The following PCDHGA3 variants were observed in gnomAD, a reference collection of about 807,000 sequenced individuals.
PCDHGA3 encodes the protein protocadherin gamma subfamily A, 3.
Under a neutral mutation model 58.5 loss-of-function variants are expected in PCDHGA3, and 40 were observed. The observed-to-expected ratio is 0.68, with a 90% CI of 0.53 to 0.89. PCDHGA3 has a LOEUF of 0.89. Ranked by LOEUF, PCDHGA3 falls within the 40% of genes least tolerant of loss-of-function variation. PCDHGA3 has a pLI of 0.00. For synonymous variants in PCDHGA3, 530 were observed against 525.7 expected, an observed-to-expected ratio of 1.01 and a Z score of -0.11; for missense variants, 1,223 against 1,195.9, an observed-to-expected ratio of 1.02 and a Z score of -0.33.
chr5:141,489,359 AG>A lies in PCDHGA3; in HGVS notation c.2425-5447del. On this transcript the variant is annotated intron_variant, in intron 1 of 3. Coordinates refer to ENST00000253812, the MANE Select transcript of PCDHGA3 (RefSeq NM_018916.4). The surrounding 1 kb of genome is among the most constrained non-coding windows in gnomAD (Gnocchi z 4.5). ...CGTTACTCAGTGGTGGAGGAGTCTG[AG>A]CCGGGGACGCTGGTGGGGAATGTTG... 1 of 1,613,110 alleles carries A rather than the reference AG, an allele frequency of 6.2e-7. No homozygotes were observed. The highest frequency in any genetic ancestry group is 1.1e-5 in the South Asian group (1 of 90,984).
rs549801775 is a variant in PCDHGA3 at position 141,419,346 on chromosome 5, T to C, written c.2424+72889T>C. The C allele has an allele frequency of 6.2e-7, 1 of 1,613,828 alleles. No individual in the cohort carries two copies. The highest frequency in any genetic ancestry group is 2.2e-5 in the East Asian group (1 of 44,886). ...TCCTACTCTCTCATTGCCAGCGACCTGGAGTCACGAACGCTGTCGTCCTAC... is the reference window on the plus strand; with the variant it reads ...TCCTACTCTCTCATTGCCAGCGACCCGGAGTCACGAACGCTGTCGTCCTAC... On this transcript the variant is annotated intron_variant, in intron 1 of 3. Coordinates refer to ENST00000253812, the MANE Select transcript of PCDHGA3 (RefSeq NM_018916.4).
chr5:141,432,919 C>T lies in PCDHGA3; in HGVS notation c.2425-61888C>T. ...TGGCGCTCAGGCTGCGGCGCTGGCACAAGTCACGCCTGCTGCAGGCTTCAG... is the reference window on the plus strand; with the variant it reads ...TGGCGCTCAGGCTGCGGCGCTGGCATAAGTCACGCCTGCTGCAGGCTTCAG... On this transcript the variant is annotated intron_variant, in intron 1 of 3. Coordinates refer to ENST00000253812, the MANE Select transcript of PCDHGA3 (RefSeq NM_018916.4). The surrounding 1 kb of genome is among the most constrained non-coding windows in gnomAD (Gnocchi z 6.0). The T allele has an allele frequency of 2.5e-6, 4 of 1,614,210 alleles. No individual in the cohort carries two copies. Among genetic ancestry groups the T allele is most frequent in the Non-Finnish European group, 3.4e-6 (4 of 1,180,040 alleles).
At chr5:141,368,172 A>G (rs1160663847) in intron 1 of PCDHGA3, among the ~76,000 whole-genome samples, 2 of 152,230 alleles carry the variant, frequency 1.3e-5, no homozygotes, top group African/African-American at 4.8e-5. Context: ...TCAGCTTCAA[A>G]TAATGACTAA....
intron 1 of PCDHGA3, chr5:141,398,674 A>T: frequency 6.2e-7 from 1 of 1,614,010 alleles, no homozygotes; most frequent in Non-Finnish European, 8.5e-7. Context: ...ATTAATAATT[A>T]AGGAGAAACA....
chr5:141,427,766 G>A lies in PCDHGA3; in HGVS notation c.2425-67041G>A, dbSNP rs549550151. The A allele has an allele frequency of 1.1e-4, 152 of 1,386,456 alleles. No homozygotes were observed. In the African/African-American group the frequency reaches 1.8e-3, roughly 17 times the overall value. The allele number at this position is 1,386,456 out of a possible 1,614,324, so 85.9% of individuals were successfully genotyped here. ...CCTACTCCATCGTTACCACTGACTT[G>A]GAGCTGCGGGCACTGTCGTCCTACG... On this transcript the variant is annotated intron_variant, in intron 1 of 3. Transcript: ENST00000253812.
chr5:141,447,709 T>C (rs896203283), intron 1 of PCDHGA3, among the ~76,000 whole-genome samples: 1 of 152,210 alleles, frequency 6.6e-6, no homozygotes, highest in East Asian at 1.9e-4. Context: ...TATAAGGATG[T>C]ACACATTTTC....
chr5:141,350,910 C>A (rs759995473), intron 1 of PCDHGA3: 4 of 1,614,072 alleles, frequency 2.5e-6, no homozygotes, highest in South Asian at 2.2e-5. Context: ...GGCGGGGACC[C>A]GCCTCTAAGC....
chr5:141,409,159 G>C, intron 1 of PCDHGA3: 1 of 1,614,014 alleles, frequency 6.2e-7, no homozygotes, highest in East Asian at 2.2e-5. Flanking sequence ...CCATGGAAGT[G>C]GAAGCGAAGG....
At chr5:141,392,818 C>T (rs1306076998) in intron 1 of PCDHGA3, 1 of 1,589,068 alleles carries the variant, frequency 6.3e-7, no homozygotes, top group East Asian at 2.2e-5. Flanking sequence ...ACAACAATGG[C>T]CGCTCCACAG....
intron 1 of PCDHGA3, among the ~76,000 whole-genome samples, chr5:141,471,046 CTTTT>C (rs1170588345): frequency 5.3e-5 from 6 of 113,264 alleles, no homozygotes; most frequent in Admixed American, 9.3e-5. Context: ...CCCAAGCCCT[CTTTT>C]TTTTTTTTTT....
At chr5:141,409,690 A>G in intron 1 of PCDHGA3, 1 of 1,613,354 alleles carries the variant, frequency 6.2e-7, no homozygotes. Flanking sequence ...CGAGTGACCT[A>G]GAGCCCCTGG....
Position 141,447,955 on chromosome 5 carries a change from G to A in PCDHGA3, c.2425-46852G>A, listed in dbSNP as rs536740280. On this transcript the variant is annotated intron_variant, in intron 1 of 3. Coordinates refer to ENST00000253812, the MANE Select transcript of PCDHGA3 (RefSeq NM_018916.4). ...ACAAAAATTAGCTGGGCATGGTGGC[G>A]GACACCTATAATCCCAGCTACTCGG... Among the ~76,000 whole-genome samples the A allele has an allele frequency of 1.6e-4, 24 of 151,898 alleles. 1 individual carries two copies. The highest frequency in any genetic ancestry group is 8.3e-4 in the South Asian group (4 of 4,816).
intron 1 of PCDHGA3, chr5:141,398,734 G>C (rs768663543): frequency 6.2e-7 from 1 of 1,613,788 alleles, no homozygotes; most frequent in Non-Finnish European, 8.5e-7. Context: ...CTTAGACCGG[G>C]AACAACAGAG....
At chr5:141,355,397 T>C (rs1364667381) in intron 1 of PCDHGA3, 2 of 1,614,048 alleles carry the variant, frequency 1.2e-6, no homozygotes, top group Non-Finnish European at 1.7e-6. Flanking sequence ...GGAGTCCGCA[T>C]CGTCTCCAGA....
intron 1 of PCDHGA3, chr5:141,356,597 CCA>C (rs1177164623): frequency 1.2e-6 from 2 of 1,614,034 alleles, no homozygotes; most frequent in East Asian, 4.5e-5. Context: ...GAAAACAACC[CCA>C]GAGGAGCCTC....
chr5:141,349,975 A>G (rs1235992269), intron 1 of PCDHGA3: 1 of 290,620 alleles, frequency 3.4e-6, no homozygotes, highest in Non-Finnish European at 6.3e-6. Context: ...ACATAGATTC[A>G]AGAGGTTGCG....
intron 1 of PCDHGA3, among the ~76,000 whole-genome samples, chr5:141,449,674 TA>T (rs2154562752): frequency 6.6e-6 from 1 of 151,604 alleles, no homozygotes; most frequent in African/African-American, 2.4e-5. Context: ...AGTGTGTATG[TA>T]TATATGTTTG....
intron 1 of PCDHGA3, chr5:141,360,708 T>A: frequency 6.2e-7 from 1 of 1,613,948 alleles, no homozygotes; most frequent in Non-Finnish European, 8.5e-7. Context: ...GTCGTAAATA[T>A]CCTGAGTTGA....
intron 1 of PCDHGA3, chr5:141,398,743 A>G: frequency 6.2e-7 from 1 of 1,613,864 alleles, no homozygotes; most frequent in Non-Finnish European, 8.5e-7. Flanking sequence ...GGAACAACAG[A>G]GTTACCATCG....
Sources: gnomAD v4.1 joint callset for allele counts (sites outside exome capture counted in the v4.1 genomes callset) on GRCh38, gnomAD v4.1.1 for gene constraint, Gnocchi (gnomAD v3.1) non-coding constraint, MANE v1.5 for transcripts, NCBI Gene and HGNC (gene_info 2026-07-23, HGNC 2026-07-21) for gene names.